Variants in GRAMD1B observed in about 807,000 individuals in gnomAD.
GRAMD1B encodes the protein GRAM domain containing 1B.
GRAMD1B carries 37 observed loss-of-function variants against 99.7 expected under a neutral mutation model. That is an observed-to-expected ratio of 0.37 (90% confidence interval 0.29 to 0.49). The LOEUF (loss-of-function observed/expected upper bound fraction) is 0.49. GRAMD1B is among the 20% of genes least tolerant of loss of function. The pLI, the probability that GRAMD1B is intolerant of heterozygous loss-of-function variation, is 0.98. For missense variants in GRAMD1B, 888 were observed against 1,009.2 expected, an observed-to-expected ratio of 0.88 and a Z score of 1.63; for synonymous variants, 427 against 387.6, an observed-to-expected ratio of 1.10 and a Z score of -1.19.
chr11:123,463,641 G>C (rs73025942), intron 1 of GRAMD1B, among the ~76,000 whole-genome samples: 7,332 of 152,304 alleles, frequency 0.048, 224 homozygotes, highest in African/African-American at 0.06. Context: ...AAAGGAGACA[G>C]AGCTCTGGGT....
At chr11:123,432,373 ATGGCGAAAC>A in intron 1 of GRAMD1B, among the ~76,000 whole-genome samples, 1 of 152,088 alleles carries the variant, frequency 6.6e-6, no homozygotes, top group East Asian at 1.9e-4. Flanking sequence ...CCTGGCCAAC[ATGGCGAAAC>A]TCCATTTCTG....
chr11:123,613,181 G>A (rs1357410885), intron 15 of GRAMD1B: 9 of 559,398 alleles, frequency 1.6e-5, no homozygotes, highest in South Asian at 2.4e-5. Context: ...AAATGCCTGT[G>A]AATGCATCTA....
intron 1 of GRAMD1B, among the ~76,000 whole-genome samples, chr11:123,434,063 C>G (rs950746772): frequency 1.3e-5 from 2 of 151,812 alleles, no homozygotes; most frequent in Non-Finnish European, 2.9e-5. Flanking sequence ...AACACCGTCT[C>G]TACTAAAAAT....
At chr11:123,367,695 C>CA (rs1417144022) in intron 1 of GRAMD1B, among the ~76,000 whole-genome samples, 1 of 139,112 alleles carries the variant, frequency 7.2e-6, no homozygotes, top group Non-Finnish European at 1.6e-5. Context: ...ATTTTTTTTT[C>CA]TTTTTTTTTT....
chr11:123,611,857 C>T (rs934146549), intron 14 of GRAMD1B, among the ~76,000 whole-genome samples: 1 of 130,242 alleles, frequency 7.7e-6, no homozygotes, highest in Admixed American at 7.6e-5. Context: ...AGTCACAGGG[C>T]GGGATGGGGC....
intron 2 of GRAMD1B, among the ~76,000 whole-genome samples, chr11:123,534,419 A>G (rs926263825): frequency 1.3e-5 from 2 of 152,228 alleles, no homozygotes; most frequent in Non-Finnish European, 2.9e-5. Flanking sequence ...GTTCAAATCC[A>G]TGTTGTTCAG....
intron 19 of GRAMD1B, chr11:123,619,666 T>C (rs962520122): frequency 7.3e-5 from 18 of 246,766 alleles, no homozygotes; most frequent in Non-Finnish European, 1.2e-4. Context: ...TCTGGGAAGA[T>C]GGCTGTACTT....
At chr11:123,462,906 A>T (rs201726377) in intron 1 of GRAMD1B, among the ~76,000 whole-genome samples, 21,075 of 149,212 alleles carry the variant, frequency 0.14, 2,094 homozygotes, top group East Asian at 0.4. Context: ...AAAAAAAAAA[A>T]AAAAAAGAAA....
chr11:123,589,105 G>C (rs1395960616), intron 4 of GRAMD1B, among the ~76,000 whole-genome samples: 1 of 151,518 alleles, frequency 6.6e-6, no homozygotes, highest in Non-Finnish European at 1.5e-5. Context: ...AGCGTGTCAC[G>C]TGAGGTCAGG....
chr11:123,427,725 C>T (rs191542089), upstream of GRAMD1B, among the ~76,000 whole-genome samples: 13 of 152,244 alleles, frequency 8.5e-5, no homozygotes, highest in East Asian at 2.3e-3. Context: ...GTAAGGACAG[C>T]GTTCAGGCTA....
At position 123,530,167 on chromosome 11, in the gene GRAMD1B, C is replaced by T. The variant is rs113033596; in HGVS notation, c.453-47200C>T. On this transcript the variant is annotated intron_variant, in intron 2 of 19. Coordinates refer to ENST00000635736, the MANE Select transcript of GRAMD1B (RefSeq NM_001387025.1). ...GATAAGCACTGTGTGACAGAACCTA[C>T]TCACATTCTTCACAGGTAGCTGGGA... Among the ~76,000 whole-genome samples the T allele has an allele frequency of 5.2e-3, 793 of 151,054 alleles. 7 individuals carry two copies. Among genetic ancestry groups the T allele is most frequent in the African/African-American group, 0.018 (756 of 41,196 alleles).
chr11:123,492,439 A>T lies in GRAMD1B; in HGVS notation c.452+11546A>T, dbSNP rs1472956135. Reference sequence around the variant, plus strand: ...TCGTCGGGCACTTTGGTCTGACTCCAGAATTATTTGAGCATGCATCAGATG... The same window carrying T: ...TCGTCGGGCACTTTGGTCTGACTCCTGAATTATTTGAGCATGCATCAGATG... On this transcript the variant is annotated intron_variant, in intron 2 of 19. Transcript: ENST00000635736. The surrounding 1 kb of genome is among the most constrained non-coding windows in gnomAD (Gnocchi z 4.2). 6.6e-6 allele frequency among the ~76,000 whole-genome samples: 1 copy of T among 152,110 alleles called. No individual in the cohort carries two copies. Among genetic ancestry groups the T allele is most frequent in the Non-Finnish European group, 1.5e-5 (1 of 68,022 alleles).
In GRAMD1B at chr11:123,591,998, C is replaced by G. The variant is rs1592171346; in HGVS notation, c.685-2084C>G. ...CCCTGTACCTCCACCTCTGTGGATACCTGAGCTATTACTGGATATGTGAGA... is the reference window on the plus strand; with the variant it reads ...CCCTGTACCTCCACCTCTGTGGATAGCTGAGCTATTACTGGATATGTGAGA... On this transcript the variant is annotated intron_variant, in intron 4 of 19. Transcript: ENST00000635736. This position sits in a 1 kb window ranked among gnomAD's most constrained non-coding sequence, Gnocchi z 4.7. Among the ~76,000 whole-genome samples, 1 of 152,162 alleles carries G rather than the reference C, an allele frequency of 6.6e-6. No homozygotes were observed. The highest frequency in any genetic ancestry group is 2.1e-4 in the South Asian group (1 of 4,820).
intron 1 of GRAMD1B, among the ~76,000 whole-genome samples, chr11:123,394,047 A>G (rs1947372117): frequency 6.6e-6 from 1 of 152,188 alleles, no homozygotes; most frequent in African/African-American, 2.4e-5. Flanking sequence ...TCTGATTTTT[A>G]AAAAATGGTT....
Position 123,622,506 on chromosome 11 carries a change from A to T in GRAMD1B, c.2545A>T (p.Met849Leu). The T allele has an allele frequency of 6.5e-7, 1 of 1,546,988 alleles. No individual in the cohort carries two copies. The highest frequency in any genetic ancestry group is 8.8e-7 in the Non-Finnish European group (1 of 1,141,134). Residue 849 changes from methionine to leucine, a missense_variant and splice_region_variant, in exon 20 of 20, where the codon ATG becomes TTG. Coordinates refer to ENST00000635736, the MANE Select transcript of GRAMD1B (RefSeq NM_001387025.1). ...IKSSVMLLDQ[M>L]KDSLINLQNG... The stretch of plus-strand genomic sequence containing the variant: ...TGGGGTGGGGTTTTCTGTCTTGCAG[A>T]TGAAGGACTCGCTCATCAACCTTCA...
chr11:123,551,032 G>C (rs1334572923), intron 2 of GRAMD1B, among the ~76,000 whole-genome samples: 2 of 152,232 alleles, frequency 1.3e-5, no homozygotes, highest in Non-Finnish European at 2.9e-5. Flanking sequence ...ATTGGGAAGT[G>C]CTGTTGGGAG....
chr11:123,604,455 G>A (rs1952428950), intron 9 of GRAMD1B, among the ~76,000 whole-genome samples: 1 of 152,192 alleles, frequency 6.6e-6, no homozygotes, highest in African/African-American at 2.4e-5. Flanking sequence ...GCTGTCGATA[G>A]GTTAAGCAAG....
chr11:123,426,862 G>A (rs10893036), upstream of GRAMD1B, among the ~76,000 whole-genome samples: 44,744 of 151,972 alleles, frequency 0.29, 9,537 homozygotes, highest in African/African-American at 0.61. Context: ...AATAATAATA[G>A]TAGTTTATGA....
At chr11:123,446,645 C>T (rs1440343390) in intron 1 of GRAMD1B, among the ~76,000 whole-genome samples, 1 of 152,108 alleles carries the variant, frequency 6.6e-6, no homozygotes. Context: ...CTTAAAATGC[C>T]TTTTGCTTCA....
Sources: allele counts gnomAD v4.1 joint callset (sites outside exome capture counted in the v4.1 genomes callset), GRCh38; gene constraint gnomAD v4.1.1; non-coding constraint Gnocchi (gnomAD v3.1); transcripts MANE v1.5; gene names NCBI Gene and HGNC (gene_info 2026-07-23, HGNC 2026-07-21).